The following SPACDR variants were observed in gnomAD, a reference collection of about 807,000 sequenced individuals.
SPACDR encodes the protein sperm acrosome developmental regulator.
At chr7:100,463,607 T>C in the SPACDR span, 1 of 1,613,962 alleles carries the variant, frequency 6.2e-7, no homozygotes, top group Non-Finnish European at 8.5e-7. Flanking sequence ...GAGAGTCTTC[T>C]CCATCTTCTT....
the SPACDR span, among the ~76,000 whole-genome samples, chr7:100,457,139 A>T: frequency 6.6e-6 from 1 of 151,364 alleles, no homozygotes; most frequent in African/African-American, 2.4e-5. Flanking sequence ...AAGCCTTCTC[A>T]GGTTGCATCA....
the SPACDR span, chr7:100,463,343 G>A: frequency 1.1e-5 from 17 of 1,537,760 alleles, no homozygotes; most frequent in East Asian, 3.4e-4. Context: ...AGAGGGAGGG[G>A]GTGTTAGGAT....
chr7:100,458,007 GT>G, the SPACDR span, among the ~76,000 whole-genome samples: 1 of 151,320 alleles, frequency 6.6e-6, no homozygotes, highest in South Asian at 2.1e-4. Context: ...GTTTTGTTTT[GT>G]TTTGAGATCA....
At chr7:100,464,099 T>C in the SPACDR span, 2 of 283,592 alleles carry the variant, frequency 7.1e-6, no homozygotes. Context: ...GGGTGGGGGA[T>C]GGGGTGGGCT....
At chr7:100,456,982 A>T in the SPACDR span, 8 of 1,610,378 alleles carry the variant, frequency 5.0e-6, no homozygotes, top group Middle Eastern at 1.7e-4. Context: ...GAACTCACTG[A>T]TGACTGTAAG....
chr7:100,459,819 A>T, the SPACDR span, among the ~76,000 whole-genome samples: 6 of 151,734 alleles, frequency 4.0e-5, no homozygotes, highest in African/African-American at 1.5e-4. Flanking sequence ...TCACAGTTTA[A>T]CCATTCACCC....
At chr7:100,457,101 G>A in the SPACDR span, 3 of 645,890 alleles carry the variant, frequency 4.6e-6, no homozygotes, top group Non-Finnish European at 7.9e-6. Flanking sequence ...TCTCCCATCA[G>A]CCCAACTCAT....
chr7:100,456,892 C>G, the SPACDR span: 1 of 1,613,700 alleles, frequency 6.2e-7, no homozygotes, highest in African/African-American at 1.3e-5. Context: ...GCCCACAGCA[C>G]CAGGTACACC....
the SPACDR span, among the ~76,000 whole-genome samples, chr7:100,457,617 C>A: frequency 3.9e-5 from 5 of 127,052 alleles, no homozygotes; most frequent in African/African-American, 1.6e-4. Context: ...CCATGCCTGG[C>A]CTTTTTTTTT....
At chr7:100,457,803 A>ATATATATGTGTGTGTGTGTGTGTGTG in the SPACDR span, among the ~76,000 whole-genome samples, 2 of 72,606 alleles carry the variant, frequency 2.8e-5, no homozygotes, top group African/African-American at 6.6e-5. Flanking sequence ...ATATATATAT[A>ATATATATGTGTGTGTGTGTGTGTGTG]TGTGTGTGTG....
the SPACDR span, among the ~76,000 whole-genome samples, chr7:100,458,119 T>C: frequency 5.9e-5 from 9 of 151,828 alleles, no homozygotes; most frequent in Admixed American, 2.6e-4. Context: ...TATACTATTA[T>C]ATCATAGTCA....
At chr7:100,462,248 C>G in the SPACDR span, among the ~76,000 whole-genome samples, 3 of 152,076 alleles carry the variant, frequency 2.0e-5, no homozygotes, top group African/African-American at 4.8e-5. Context: ...GAGTCTCGCT[C>G]TGTCGCCCAG....
chr7:100,462,436 A>G, the SPACDR span, among the ~76,000 whole-genome samples: 1 of 151,594 alleles, frequency 6.6e-6, no homozygotes, highest in East Asian at 2.0e-4. Context: ...TATGGTCTCA[A>G]TCTCCTGACC....
chr7:100,458,750 A>C, the SPACDR span, among the ~76,000 whole-genome samples: 1 of 152,080 alleles, frequency 6.6e-6, no homozygotes, highest in Non-Finnish European at 1.5e-5. Flanking sequence ...ACATGGTGAA[A>C]CCCCATCTCT....
the SPACDR span, among the ~76,000 whole-genome samples, chr7:100,462,434 CA>C: frequency 6.6e-6 from 1 of 151,778 alleles, no homozygotes; most frequent in African/African-American, 2.4e-5. Flanking sequence ...AGTATGGTCT[CA>C]ATCTCCTGAC....
At chr7:100,461,570 G>C in the SPACDR span, among the ~76,000 whole-genome samples, 1 of 151,868 alleles carries the variant, frequency 6.6e-6, no homozygotes, top group Admixed American at 6.6e-5. Context: ...GATCCACTGT[G>C]CCTGGCCACA....
chr7:100,460,553 G>A, the SPACDR span, among the ~76,000 whole-genome samples: 1 of 151,336 alleles, frequency 6.6e-6, no homozygotes, highest in Non-Finnish European at 1.5e-5. Flanking sequence ...TCATGCCACT[G>A]CACTCCAGCC....
the SPACDR span, chr7:100,463,929 G>T: frequency 6.3e-7 from 1 of 1,592,702 alleles, no homozygotes; most frequent in Non-Finnish European, 8.6e-7. Flanking sequence ...TCATCCCAGC[G>T]CATCATGAGG....
the SPACDR span, chr7:100,464,136 G>A: frequency 1.9e-6 from 3 of 1,540,660 alleles, no homozygotes; most frequent in African/African-American, 4.1e-5. Flanking sequence ...CTCTTGAGGG[G>A]TCTCCTGTGA....
Sources: gnomAD v4.1 joint callset for allele counts (sites outside exome capture counted in the v4.1 genomes callset) on GRCh38, gnomAD v4.1.1 for gene constraint, MANE v1.5 for transcripts, NCBI Gene and HGNC (gene_info 2026-07-23, HGNC 2026-07-21) for gene names.